The following CYRIB variants were observed in gnomAD, a reference collection of about 807,000 sequenced individuals.
CYRIB encodes CYFIP related Rac1 interactor B, also known as CYFIP-related Rac1 interactor B.
CYRIB carries 8 observed loss-of-function variants against 44.2 expected under a neutral mutation model. The observed-to-expected ratio is 0.18, with a 90% CI of 0.11 to 0.33. CYRIB has a LOEUF of 0.33. Among genes scored for constraint, CYRIB ranks in the 10% least tolerant of loss-of-function variants. CYRIB has a pLI of 1.00. For missense variants in CYRIB, 185 were observed against 382.8 expected (o/e 0.48, Z 4.31); for synonymous variants, 131 against 127.2 (o/e 1.03, Z -0.20).
intron 1 of CYRIB, among the ~76,000 whole-genome samples, chr8:129,979,354 T>C (rs1489514362): frequency 6.6e-6 from 1 of 152,152 alleles, no homozygotes; most frequent in Non-Finnish European, 1.5e-5. Context: ...TTGGATTTTC[T>C]GTCAATAGTA....
At chr8:129,967,533 C>T (rs1290117060) in intron 2 of CYRIB, among the ~76,000 whole-genome samples, 3 of 152,040 alleles carry the variant, frequency 2.0e-5, no homozygotes, top group African/African-American at 7.2e-5. Flanking sequence ...GCGCCTGCCA[C>T]CATGCCCGGC....
chr8:129,941,273 A>ATTTT (rs11418510), upstream of CYRIB, among the ~76,000 whole-genome samples: 77 of 125,870 alleles, frequency 6.1e-4, no homozygotes, highest in South Asian at 8.8e-3. Flanking sequence ...ACTGAAGGAG[A>ATTTT]TTTTTTTTTT....
intron 4 of CYRIB, 107 bp from the exon 7 acceptor site, chr8:129,862,441 A>G (rs1157827943): frequency 1.2e-6 from 1 of 847,348 alleles, no homozygotes; most frequent in Non-Finnish European, 1.9e-6. Flanking sequence ...GGTATAATCC[A>G]TAAAATATAG....
At chr8:129,921,495 G>T (rs181148795) in intron 1 of CYRIB, among the ~76,000 whole-genome samples, 1 of 152,060 alleles carries the variant, frequency 6.6e-6, no homozygotes, top group East Asian at 1.9e-4. Flanking sequence ...TCACTCTCTC[G>T]CCTAGACTGG....
chr8:129,856,611 A>C (rs1348892148), intron 5 of CYRIB, among the ~76,000 whole-genome samples: 2 of 152,144 alleles, frequency 1.3e-5, no homozygotes, highest in Non-Finnish European at 2.9e-5. Context: ...AACAAATATT[A>C]ATGATAAATT....
At chr8:129,996,505 G>A (rs939614906) in intron 1 of CYRIB, among the ~76,000 whole-genome samples, 1 of 152,202 alleles carries the variant, frequency 6.6e-6, no homozygotes, top group Non-Finnish European at 1.5e-5. Context: ...GGGCCGTGGG[G>A]AAACAGAAGC....
intron 4 of CYRIB, among the ~76,000 whole-genome samples, chr8:129,869,994 G>C (rs935052631): frequency 6.6e-6 from 1 of 151,912 alleles, no homozygotes; most frequent in South Asian, 2.1e-4. Flanking sequence ...GAGGGGGGGC[G>C]TTGAAGAAAA....
chr8:129,860,647 T>C (rs769153582), intron 5 of CYRIB, among the ~76,000 whole-genome samples: 1 of 152,098 alleles, frequency 6.6e-6, no homozygotes, highest in Non-Finnish European at 1.5e-5. Flanking sequence ...TTTAAGAACA[T>C]AGGCATTTTT....
chr8:129,991,345 T>C (rs1387592422), intron 1 of CYRIB, among the ~76,000 whole-genome samples: 1 of 152,008 alleles, frequency 6.6e-6, no homozygotes, highest in African/African-American at 2.4e-5. Flanking sequence ...TAATCCCCAA[T>C]GTGGCTGTAT....
intron 1 of CYRIB, among the ~76,000 whole-genome samples, chr8:129,938,795 T>C (rs796691362): frequency 5.3e-5 from 8 of 152,164 alleles, no homozygotes; most frequent in African/African-American, 1.9e-4. Flanking sequence ...TAATCCATCA[T>C]AGAAGTCTTC....
intron 2 of CYRIB, among the ~76,000 whole-genome samples, chr8:129,965,086 G>T (rs2095419905): frequency 6.6e-6 from 1 of 152,110 alleles, no homozygotes; most frequent in Non-Finnish European, 1.5e-5. Flanking sequence ...ATAAATGTTG[G>T]TTTCCCATGG....
chr8:129,916,731 T>G (rs1339346555), intron 1 of CYRIB, among the ~76,000 whole-genome samples: 1 of 152,224 alleles, frequency 6.6e-6, no homozygotes, highest in Non-Finnish European at 1.5e-5. Flanking sequence ...AATAGTACAC[T>G]GCTACTCATT....
intron 1 of CYRIB, chr8:129,939,602 A>T (rs894454764): frequency 6.6e-6 from 1 of 151,516 alleles, no homozygotes; most frequent in Non-Finnish European, 1.5e-5. Context: ...AAAACCAATC[A>T]CTCACCCTCC....
intron 1 of CYRIB, among the ~76,000 whole-genome samples, chr8:129,939,247 G>C (rs1018991422): frequency 2.0e-5 from 3 of 151,754 alleles, no homozygotes; most frequent in Non-Finnish European, 2.9e-5. Flanking sequence ...GATTGGGGAG[G>C]GGGGACAACG....
chr8:129,932,318 G>A (rs1273024951), intron 1 of CYRIB, among the ~76,000 whole-genome samples: 2 of 152,110 alleles, frequency 1.3e-5, no homozygotes, highest in East Asian at 3.8e-4. Context: ...ACAGTCTTGA[G>A]AAATAAAGAT....
intron 1 of CYRIB, among the ~76,000 whole-genome samples, chr8:130,003,476 CA>C (rs1310299962): frequency 6.6e-6 from 1 of 152,230 alleles, no homozygotes; most frequent in Admixed American, 6.5e-5. Context: ...GGGTCAGGGA[CA>C]CCTGTTGGGT....
chr8:129,959,997 G>A (rs1439650244), intron 2 of CYRIB, among the ~76,000 whole-genome samples: 3 of 152,178 alleles, frequency 2.0e-5, no homozygotes, highest in South Asian at 2.1e-4. Context: ...AAAGGAAGAC[G>A]GAGCCCTGAC....
chr8:129,905,808 C>T (rs568773592), intron 1 of CYRIB, among the ~76,000 whole-genome samples: 21 of 152,218 alleles, frequency 1.4e-4, no homozygotes, highest in African/African-American at 5.1e-4. Context: ...CAATAAAACA[C>T]TTGTAACTGT....
chr8:129,993,348 AC>A (rs1440352923), intron 1 of CYRIB, among the ~76,000 whole-genome samples: 1 of 149,826 alleles, frequency 6.7e-6, no homozygotes, highest in Non-Finnish European at 1.5e-5. Context: ...AGCCGAGATC[AC>A]ACCACTACAC....
Sources: gnomAD v4.1 joint callset for allele counts (sites outside exome capture counted in the v4.1 genomes callset) on GRCh38, gnomAD v4.1.1 for gene constraint, MANE v1.5 for transcripts, NCBI Gene and HGNC (gene_info 2026-07-23, HGNC 2026-07-21) for gene names.